LRP3: variants seen among roughly 807,000 people sequenced by gnomAD.
LRP3 encodes the protein LDL receptor related protein 3.
A neutral mutation model predicts 58.5 loss-of-function variants in LRP3; 49 were observed. That is an observed-to-expected ratio of 0.84 (90% CI 0.67 to 1.06). The LOEUF (loss-of-function observed/expected upper bound fraction) is 1.06, where lower values mean the gene tolerates loss of function less well. Among genes scored for constraint, LRP3 ranks in the 50% least tolerant of loss-of-function variants. LRP3 has a pLI of 0.00. For missense variants in LRP3, 1,019 were observed against 1,134.2 expected (o/e 0.90, Z 1.46); for synonymous variants, 485 against 492.2 (o/e 0.99, Z 0.20).
intron 2 of LRP3, 94 bp from the exon 3 acceptor site, chr19:33,202,754 T>C: frequency 2.2e-6 from 3 of 1,384,496 alleles, no homozygotes; most frequent in East Asian, 2.5e-5. Context: ...GATCCCACCA[T>C]GGGGGAGGCC....
intron 2 of LRP3, among the ~76,000 whole-genome samples, chr19:33,198,875 G>A (rs953286335): frequency 3.2e-4 from 48 of 152,350 alleles, no homozygotes; most frequent in African/African-American, 1.1e-3. Context: ...CAGGCAGGTT[G>A]GCGGGGGTAT....
At chr19:33,203,105 G>T in intron 3 of LRP3, 119 bp downstream of exon 3, 1 of 1,261,852 alleles carries the variant, frequency 7.9e-7, no homozygotes, top group African/African-American at 1.5e-5. Flanking sequence ...ACATGTGTGT[G>T]AGCAGGTGTG....
chr19:33,206,355 G>C lies in LRP3; in HGVS notation c.1585G>C (p.Glu529Gln), dbSNP rs767758297. 56 of 1,605,024 alleles carry C rather than the reference G, an allele frequency of 3.5e-5. No individual in the cohort carries two copies. The highest frequency in any genetic ancestry group is 4.1e-5 in the Non-Finnish European group (48 of 1,178,754). The change falls in exon 5 of 7, where the codon GAA (glutamate) becomes CAA (glutamine). Residue 529 changes from glutamate to glutamine, a missense_variant. By Grantham distance (29) the Glu-to-Gln change is conservative. Around this residue, in one of 2 missense-constraint regions of LRP3, gnomAD observed 427 missense variants for 408.6 expected, o/e 1.04. Coordinates refer to ENST00000253193, the MANE Select transcript of LRP3 (RefSeq NM_002333.4). Reference protein sequence around the residue: ...AFKLYSLRTQEYRAFETQMTR... With the variant: ...AFKLYSLRTQQYRAFETQMTR... ...CAAGCTCTACTCACTGCGCACGCAG[G>C]AATACAGGTGGGCGCTGTGCCCGCA... is the stretch of plus-strand genomic sequence containing the variant.
At chr19:33,202,763 C>A in intron 2 of LRP3, 85 bp from the exon 3 acceptor site, 1 of 1,425,216 alleles carries the variant, frequency 7.0e-7, no homozygotes, top group Non-Finnish European at 9.4e-7. Flanking sequence ...ATGGGGGAGG[C>A]CTGTGCTGAA....
At chr19:33,206,877 G>T in intron 6 of LRP3, 111 bp from the exon 7 acceptor site, 1 of 1,213,202 alleles carries the variant, frequency 8.2e-7, no homozygotes, top group Non-Finnish European at 1.1e-6. Flanking sequence ...GGGTGGACAA[G>T]GTGGTCTCTC....
rs76681708 is a variant in LRP3, at chr19:33,204,631, C to G, written c.261-7C>G. 1.0e-3 allele frequency: 1,643 copies of G among 1,599,038 alleles called. 16 individuals are homozygous for G. In the East Asian group the frequency reaches 0.025, roughly 25 times the overall value. ...CTCATGTCTGGGTCCTCTCCGCCCC[C>G]CCGCAGCTTCCGCAACTTTGACGTG... is the stretch of plus-strand genomic sequence containing the variant. On this transcript the variant is annotated splice_region_variant and splice_polypyrimidine_tract_variant and intron_variant, in intron 3 of 6. Transcript: ENST00000253193.
At chr19:33,196,194 C>T (rs1974283730) in intron 1 of LRP3, among the ~76,000 whole-genome samples, 1 of 152,116 alleles carries the variant, frequency 6.6e-6, no homozygotes, top group Non-Finnish European at 1.5e-5. Context: ...TCAGAACTGC[C>T]TCCCCTCCTG....
intron 1 of LRP3, 67 bp downstream of exon 1, chr19:33,194,925 C>G: frequency 1.1e-6 from 1 of 878,284 alleles, no homozygotes; most frequent in Non-Finnish European, 1.4e-6. Flanking sequence ...GCGCCCTGAC[C>G]GACCTCCTCT....
At chr19:33,206,960 C>T (rs764115664) in intron 6 of LRP3, 28 bp from the exon 7 acceptor site, 13 of 1,430,600 alleles carry the variant, frequency 9.1e-6, no homozygotes, top group Non-Finnish European at 1.2e-5. Flanking sequence ...GCCGCATCCC[C>T]CCGCCCCTAC....
chr19:33,206,110 C>T lies in LRP3; in HGVS notation c.1340C>T (p.Ala447Val), dbSNP rs1172194686. ...AACCAGAAAAGCTGTCCCGACGGCG[C>T]CGACGAGAAGAACTGCTTCTCCTGC... ...CNNQKSCPDG[A>V]DEKNCFSCQP... The change falls in exon 5 of 7, where the codon GCC becomes GTC. Residue 447 changes from alanine (A) to valine (V), a missense_variant. By Grantham distance (64) the Ala-to-Val change is moderately conservative. Transcript: ENST00000253193. The T allele has an allele frequency of 6.2e-7, 1 of 1,609,794 alleles. No homozygotes were observed. The highest frequency in any genetic ancestry group is 1.7e-5 in the Admixed American group (1 of 59,816).
rs577296428 is a variant in LRP3, at chr19:33,207,754, G to C, written c.*179G>C. 1.6e-3 allele frequency: 564 copies of C among 352,988 alleles called. 3 individuals are homozygous for C. Among genetic ancestry groups the C allele is most frequent in the Non-Finnish European group, 2.4e-3 (437 of 184,482 alleles). The allele number at this position is 352,988 out of a possible 1,614,324, so 21.9% of individuals were successfully genotyped here. On this transcript the variant is annotated 3_prime_UTR_variant, in exon 7 of 7. Transcript: ENST00000253193. ...GCGGGAGCTGTGGGACTGAACGGCG[G>C]GGGGGAGAAGAGTGGAGTGGTGAGC...
At position 33,194,532 on chromosome 19, in the gene LRP3, C is replaced by T. The variant is rs1974263478; in HGVS notation, c.-254C>T. ...CGGGGGTCTTCCCTGGCGGCCGCCG[C>T]TGAGCCCCCGCAGGGCCCGTGACGC... On this transcript the variant is annotated 5_prime_UTR_variant, in exon 1 of 7. Coordinates refer to ENST00000253193, the MANE Select transcript of LRP3 (RefSeq NM_002333.4). 1 of 145,650 alleles carries T rather than the reference C, an allele frequency of 6.9e-6. No homozygotes were observed. Among genetic ancestry groups the T allele is most frequent in the Admixed American group, 6.8e-5 (1 of 14,690 alleles). 9.0% of individuals were successfully genotyped at this position (145,650 alleles called of 1,614,324 possible).
Position 33,194,823 on chromosome 19 carries a change from CG to C in LRP3, c.41del (p.Gly14AlafsTer12). On this transcript the variant is annotated frameshift_variant, in exon 1 of 7. Transcript: ENST00000253193. LOFTEE classifies it high-confidence loss of function. The stretch of plus-strand genomic sequence containing the variant: ...GCGGCCGCGGGGCTGGAGGGCGCGC[CG>C]GGCGCCCGGGCGCAGCTGGCCGTCG... ...KRAAAGLEGA[P>X]GARAQLAVVC... 9.1e-7 allele frequency: 1 copy of C among 1,094,064 alleles called. No individual in the cohort carries two copies. The highest frequency in any genetic ancestry group is 1.1e-6 in the Non-Finnish European group (1 of 901,208). 67.8% of individuals were successfully genotyped at this position (1,094,064 alleles called of 1,614,324 possible).
At chr19:33,202,514 C>T (rs1005604588) in intron 2 of LRP3, among the ~76,000 whole-genome samples, 1 of 152,082 alleles carries the variant, frequency 6.6e-6, no homozygotes, top group Admixed American at 6.5e-5. Context: ...CCCGAGGCCA[C>T]GAGGCTACAC....
Position 33,207,737 on chromosome 19 carries a change from T to G in LRP3, c.*162T>G. On this transcript the variant is annotated 3_prime_UTR_variant, in exon 7 of 7. Coordinates refer to ENST00000253193, the MANE Select transcript of LRP3 (RefSeq NM_002333.4). ...GCTGGCTGCACTGGTGGGCGGGAGC[T>G]GTGGGACTGAACGGCGGGGGGGAGA... 2 of 593,240 alleles carry G rather than the reference T, an allele frequency of 3.4e-6. No individual in the cohort carries two copies. The highest frequency in any genetic ancestry group is 3.2e-5 in the Admixed American group (1 of 31,690). The allele number at this position is 593,240 out of a possible 1,614,324, so 36.7% of individuals were successfully genotyped here. A position where few individuals can be genotyped will look rare whatever the true frequency, so the allele number is the denominator to read the frequency against.
rs200753315 is a variant in LRP3, at chr19:33,205,644, C to T, written c.874C>T (p.Arg292Trp). ...CTWLVDTQDS[R>W]RVLLQLELRL... ...GTGGCTGGTGGACACACAGGACTCC[C>T]GGCGGGTGCTGCTGCAGCTGGAACT... The change falls in exon 5 of 7, where the codon CGG (arginine) becomes TGG (tryptophan). Residue 292 changes from arginine to tryptophan, a missense_variant. This residue lies in a region of LRP3 where 592 missense variants were observed against 725.5 expected (regional missense o/e 0.82). Transcript: ENST00000253193. The T allele has an allele frequency of 2.5e-6, 4 of 1,610,186 alleles. No individual in the cohort carries two copies. Among genetic ancestry groups the T allele is most frequent in the Non-Finnish European group, 1.7e-6 (2 of 1,179,432 alleles).
At chr19:33,203,698 G>C (rs1037847876) in intron 3 of LRP3, among the ~76,000 whole-genome samples, 21 of 152,264 alleles carry the variant, frequency 1.4e-4, no homozygotes, top group African/African-American at 4.3e-4. Context: ...CAGCACACAG[G>C]CCACTGGGAA....
At position 33,206,117 on chromosome 19, in the gene LRP3, G is replaced by C; in HGVS notation, c.1347G>C (p.Glu449Asp). 1 of 1,609,780 alleles carries C rather than the reference G, an allele frequency of 6.2e-7. No individual in the cohort carries two copies. Among genetic ancestry groups the C allele is most frequent in the Non-Finnish European group, 8.5e-7 (1 of 1,179,250 alleles). The change falls in exon 5 of 7, where the codon GAG becomes GAC. Residue 449 changes from glutamate to aspartate, a missense_variant. Glu to Asp is a conservative substitution (Grantham distance 45). Transcript: ENST00000253193. The stretch of plus-strand genomic sequence containing the variant: ...AAAGCTGTCCCGACGGCGCCGACGA[G>C]AAGAACTGCTTCTCCTGCCAGCCCG... ...NQKSCPDGAD[E>D]KNCFSCQPGT...
chr19:33,200,596 G>C (rs546339288), intron 2 of LRP3, among the ~76,000 whole-genome samples: 125 of 152,334 alleles, frequency 8.2e-4, no homozygotes, highest in African/African-American at 2.7e-3. Flanking sequence ...GGCTCTGTGA[G>C]GTCCTCATGG....
Sources: gnomAD v4.1 joint callset for allele counts (sites outside exome capture counted in the v4.1 genomes callset) on GRCh38, gnomAD v4.1.1 for gene constraint, gnomAD v4.1.1 regional missense constraint, MANE v1.5 for transcripts, NCBI Gene and HGNC (gene_info 2026-07-23, HGNC 2026-07-21) for gene names.